The following OTOGL variants were observed in gnomAD, a reference collection of about 807,000 sequenced individuals.
OTOGL encodes the protein otogelin-like protein.
A neutral mutation model predicts 318.5 loss-of-function variants in OTOGL; 285 were observed. The observed-to-expected ratio is 0.89, with a 90% CI of 0.81 to 0.99. OTOGL has a LOEUF of 0.99. Among genes scored for constraint, OTOGL ranks in the 50% least tolerant of loss-of-function variants. OTOGL has a pLI of 0.00. For missense variants in OTOGL, 2,899 were observed against 2,845.6 expected, an observed-to-expected ratio of 1.02 and a Z score of -0.43; for synonymous variants, 987 against 936.5, an observed-to-expected ratio of 1.05 and a Z score of -0.99.
intron 1 of OTOGL, among the ~76,000 whole-genome samples, chr12:80,133,247 TA>T (rs1340822469): frequency 6.6e-6 from 1 of 152,174 alleles, no homozygotes; most frequent in African/African-American, 2.4e-5. Context: ...AGCACCTATT[TA>T]GGCAGTGTTT....
At chr12:80,308,622 G>A (rs925991889) in intron 29 of OTOGL, among the ~76,000 whole-genome samples, 9 of 152,166 alleles carry the variant, frequency 5.9e-5, no homozygotes, top group Non-Finnish European at 1.3e-4. Flanking sequence ...AGGCTGCTGG[G>A]AGGTGGAGGT....
chr12:80,142,487 C>A (rs1872016751), intron 1 of OTOGL, among the ~76,000 whole-genome samples: 1 of 152,124 alleles, frequency 6.6e-6, no homozygotes, highest in Non-Finnish European at 1.5e-5. Flanking sequence ...TAAACTCCTC[C>A]CCATTTTCTC....
At chr12:80,375,709 TAGAA>T (rs984200850) in intron 57 of OTOGL, among the ~76,000 whole-genome samples, 1 of 152,056 alleles carries the variant, frequency 6.6e-6, no homozygotes, top group Non-Finnish European at 1.5e-5. Context: ...AGGAAGGTGA[TAGAA>T]AGAAGAGGGT....
At position 80,310,697 on chromosome 12, in the gene OTOGL, C is replaced by T. The variant is rs376986307; in HGVS notation, c.3420C>T (p.Tyr1140=). The T allele has an allele frequency of 2.3e-5, 37 of 1,589,886 alleles. No homozygotes were observed. In the African/African-American group the frequency reaches 4.7e-4, roughly 20 times the overall value. Residue 1140 remains tyrosine, a synonymous_variant, in exon 30 of 59, where the codon TAC becomes TAT. Coordinates refer to ENST00000547103, the MANE Select transcript of OTOGL (RefSeq NM_001378609.3). The part of the protein sequence containing the change: ...PYAKKECSIL[Y]SDIFASCRNV... ...CCAAGAAAGAATGCTCCATTTTGTACAGTGATATTTTTGCTTCTTGTCGCA... is the reference window on the plus strand; with the variant it reads ...CCAAGAAAGAATGCTCCATTTTGTATAGTGATATTTTTGCTTCTTGTCGCA...
At chr12:80,234,386 G>A (rs546842997) in intron 9 of OTOGL, among the ~76,000 whole-genome samples, 20 of 152,112 alleles carry the variant, frequency 1.3e-4, no homozygotes, top group Middle Eastern at 6.8e-3. Context: ...TAATACTTCC[G>A]TTTTATATTA....
At chr12:80,302,069 C>A (rs1047090033) in intron 27 of OTOGL, among the ~76,000 whole-genome samples, 3 of 152,074 alleles carry the variant, frequency 2.0e-5, no homozygotes, top group African/African-American at 7.2e-5. Context: ...AAGTTGAGAA[C>A]TTTCCCCTTT....
chr12:80,166,813 C>T (rs17006457), intron 1 of OTOGL, among the ~76,000 whole-genome samples: 7,978 of 152,124 alleles, frequency 0.052, 281 homozygotes, highest in East Asian at 0.19. Flanking sequence ...AAAATTCTCA[C>T]AGTTCAGAGG....
At chr12:80,280,679 T>G (rs973760297) in intron 26 of OTOGL, among the ~76,000 whole-genome samples, 19 of 151,936 alleles carry the variant, frequency 1.3e-4, no homozygotes, top group African/African-American at 4.3e-4. Context: ...CCATGCTGTT[T>G]TGGTTGTTGT....
intron 38 of OTOGL, 21 bp from the exon 39 acceptor site, chr12:80,335,942 C>G (rs778049555): frequency 6.7e-7 from 1 of 1,490,368 alleles, no homozygotes; most frequent in East Asian, 2.5e-5. Context: ...AAAAAACCCA[C>G]TAATCTTTTT....
chr12:80,122,335 A>G (rs1340127651), intron 1 of OTOGL, among the ~76,000 whole-genome samples: 8 of 152,176 alleles, frequency 5.3e-5, no homozygotes, highest in Non-Finnish European at 1.2e-4. Context: ...AACCATTATG[A>G]CATACTGGAA....
chr12:80,262,175 T>A, intron 19 of OTOGL, 82 bp downstream of exon 19: 2 of 1,291,518 alleles, frequency 1.5e-6, no homozygotes, highest in Non-Finnish European at 2.0e-6. Context: ...TAAAATTAGA[T>A]AGTTTAAATT....
At chr12:80,206,846 T>C (rs1243055061) in intron 1 of OTOGL, among the ~76,000 whole-genome samples, 1 of 152,134 alleles carries the variant, frequency 6.6e-6, no homozygotes, top group Non-Finnish European at 1.5e-5. Context: ...AGTTTTTAAA[T>C]ACATATAGTT....
rs1301567146 is a variant in OTOGL, at chr12:80,239,451, G to A, written c.1052+12G>A. 1.3e-6 allele frequency: 2 copies of A among 1,512,894 alleles called. No individual in the cohort carries two copies. The highest frequency in any genetic ancestry group is 2.0e-5 in the Admixed American group (1 of 49,014). The allele number at this position is 1,512,894 out of a possible 1,614,324, so 93.7% of individuals were successfully genotyped here. A position where few individuals can be genotyped will look rare whatever the true frequency, so the allele number is the denominator to read the frequency against. ...AATGATCTTTGCAAGTAAGTGAAAT[G>A]ACTTGTAGTTGTAATAAAATTTTCT... On this transcript the variant is annotated intron_variant, in intron 11 of 58. Transcript: ENST00000547103.
At chr12:80,356,786 A>G in intron 48 of OTOGL, 21 bp from the exon 49 acceptor site, 1 of 1,455,422 alleles carries the variant, frequency 6.9e-7, no homozygotes, top group Non-Finnish European at 9.4e-7. Flanking sequence ...CAAATTTTCT[A>G]ATGTAATTTT....
In OTOGL at chr12:80,267,342, T is replaced by C. The variant is rs367610859; in HGVS notation, c.2465+15T>C. 2.2e-5 allele frequency: 32 copies of C among 1,439,950 alleles called. No homozygotes were observed. The highest frequency in any genetic ancestry group is 1.8e-4 in the Middle Eastern group (1 of 5,616). The allele number at this position is 1,439,950 out of a possible 1,614,324, so 89.2% of individuals were successfully genotyped here. A position where few individuals can be genotyped will look rare whatever the true frequency, so the allele number is the denominator to read the frequency against. On this transcript the variant is annotated intron_variant, in intron 22 of 58. Transcript: ENST00000547103. ...TCGGGCTTATGGTAGGTTTCAATGA[T>C]GGGGATTGTGTTTGACAAATGATGT... is the stretch of plus-strand genomic sequence containing the variant.
intron 26 of OTOGL, among the ~76,000 whole-genome samples, chr12:80,295,768 G>A (rs1885350248): frequency 6.6e-6 from 1 of 152,198 alleles, no homozygotes. Context: ...AAGTATATGA[G>A]TTGATGAGTA....
At chr12:80,376,346 TCAG>T (rs1891177205) in intron 57 of OTOGL, among the ~76,000 whole-genome samples, 1 of 152,158 alleles carries the variant, frequency 6.6e-6, no homozygotes, top group East Asian at 1.9e-4. Context: ...GTAAGGAAAC[TCAG>T]CAGGATAATT....
In OTOGL at chr12:80,229,118, G is replaced by A. The variant is rs1174563119; in HGVS notation, c.490-139G>A. ...TGAGGTAAATATTTCTTTTCTCTCA[G>A]AAATCCCAAATGTAGTTATAACGTT... On this transcript the variant is annotated intron_variant, in intron 7 of 58. Transcript: ENST00000547103. The A allele has an allele frequency of 3.0e-6, 3 of 1,015,920 alleles. No individual in the cohort carries two copies. The African/African-American group carries it at 4.8e-5, about 16-fold the overall frequency. 62.9% of individuals were successfully genotyped at this position (1,015,920 alleles called of 1,614,324 possible). A position where few individuals can be genotyped will look rare whatever the true frequency, so the allele number is the denominator to read the frequency against.
intron 18 of OTOGL, among the ~76,000 whole-genome samples, chr12:80,258,518 A>C (rs1882259643): frequency 6.6e-6 from 1 of 152,114 alleles, no homozygotes. Context: ...TTGGTGTTTC[A>C]TTGGAAAAGA....
Sources: gnomAD v4.1 joint callset for allele counts (sites outside exome capture counted in the v4.1 genomes callset) on GRCh38, gnomAD v4.1.1 for gene constraint, MANE v1.5 for transcripts, NCBI Gene and HGNC (gene_info 2026-07-23, HGNC 2026-07-21) for gene names.